SLC39A10: variants seen among roughly 807,000 people sequenced by gnomAD.
SLC39A10 encodes the protein zinc transporter ZIP10.
In SLC39A10, 13 loss-of-function variants were observed where a neutral mutation model predicts 65.1. The observed-to-expected ratio is 0.20, with a 90% confidence interval of 0.13 to 0.32. The LOEUF is 0.32. Among genes scored for constraint, SLC39A10 ranks in the 10% least tolerant of loss-of-function variants. SLC39A10 has a pLI of 1.00. For missense variants in SLC39A10, 831 were observed against 1,018.4 expected, an observed-to-expected ratio of 0.82 and a Z score of 2.50; for synonymous variants, 321 against 342.2, an observed-to-expected ratio of 0.94 and a Z score of 0.68.
intron 3 of SLC39A10, among the ~76,000 whole-genome samples, chr2:195,687,795 A>G (rs139217405): frequency 1.6e-3 from 242 of 152,336 alleles, no homozygotes; most frequent in African/African-American, 5.7e-3. Flanking sequence ...TATACTGTGT[A>G]TGGTAGAAAT....
intron 1 of SLC39A10, 161 bp downstream of exon 1, chr2:195,657,442 A>AGCT (rs1559018272): frequency 1.0e-6 from 1 of 985,866 alleles, no homozygotes; most frequent in African/African-American, 1.7e-5. Flanking sequence ...GGGTTCCCGC[A>AGCT]GCTGCTGCAG....
intron 2 of SLC39A10, among the ~76,000 whole-genome samples, chr2:195,617,692 G>T (rs1688246604): frequency 1.0e-5 from 1 of 96,518 alleles, no homozygotes; most frequent in Admixed American, 9.1e-5. Flanking sequence ...GCAACATAGT[G>T]AGACCTTGTT....
At position 195,680,158 on chromosome 2, in the gene SLC39A10, A is replaced by C. The variant is rs1357372682; in HGVS notation, c.116A>C (p.Gln39Pro). ...CATGGCCCTGAAGCGCTTCACAGAC[A>C]GCATCGTGGAATGACAGAATTGGAG... ...HDHGPEALHR[Q>P]HRGMTELEPS... is the part of the protein sequence containing the mutation. The change falls in exon 2 of 10, where the codon CAG becomes CCG. Residue 39 changes from glutamine (Q) to proline (P), a missense_variant. Transcript: ENST00000359634. The C allele has an allele frequency of 6.2e-7, 1 of 1,614,158 alleles. No individual in the cohort carries two copies. The highest frequency in any genetic ancestry group is 8.5e-7 in the Non-Finnish European group (1 of 1,180,032).
intron 3 of SLC39A10, among the ~76,000 whole-genome samples, chr2:195,705,221 G>A (rs1691356726): frequency 6.6e-6 from 1 of 152,158 alleles, no homozygotes; most frequent in African/African-American, 2.4e-5. Flanking sequence ...AAGGATTGAA[G>A]CCATTGAATC....
chr2:195,659,921 G>T (rs1190641741), intron 1 of SLC39A10, among the ~76,000 whole-genome samples: 1 of 152,032 alleles, frequency 6.6e-6, no homozygotes, highest in Non-Finnish European at 1.5e-5. Context: ...CTTTGGGGGG[G>T]ATACATTATC....
At chr2:195,717,034 C>G (rs768578149) in intron 7 of SLC39A10, 29 bp downstream of exon 7, 1 of 1,598,842 alleles carries the variant, frequency 6.3e-7, no homozygotes, top group Non-Finnish European at 8.5e-7. Flanking sequence ...ACTGTCTATG[C>G]TAATCTTATG....
In SLC39A10 at chr2:195,708,841, A is replaced by T. The variant is rs774463737; in HGVS notation, c.1572A>T (p.Gln524His). 1 of 1,586,860 alleles carries T rather than the reference A, an allele frequency of 6.3e-7. No homozygotes were observed. The highest frequency in any genetic ancestry group is 8.5e-7 in the Non-Finnish European group (1 of 1,169,966). Residue 524 changes from glutamine (Q) to histidine (H), a missense_variant, in exon 5 of 10, where the codon CAA (glutamine) becomes CAT (histidine). By Grantham distance (24) the Gln-to-His change is conservative (BLOSUM62 0). Around this residue, in one of 4 missense-constraint regions of SLC39A10, gnomAD observed 230 missense variants for 242.9 expected, o/e 0.95. Transcript: ENST00000359634. Reference sequence around the variant, plus strand: ...GAATGTTTAAGCACTACAAACAACAAAGAGTAAGTATTTTTTATTTATTTA... The same window carrying T: ...GAATGTTTAAGCACTACAAACAACATAGAGTAAGTATTTTTTATTTATTTA... ...CIRMFKHYKQ[Q>H]RGKQKWFMKQ...
chr2:195,646,221 C>T (rs369956049), intron 2 of SLC39A10, among the ~76,000 whole-genome samples: 2 of 152,218 alleles, frequency 1.3e-5, no homozygotes, highest in East Asian at 3.8e-4. Context: ...GTTGGGATTA[C>T]AGATGTGAGC....
intron 2 of SLC39A10, among the ~76,000 whole-genome samples, chr2:195,644,889 A>ATTT (rs1688880889): frequency 1.2e-5 from 1 of 84,690 alleles, no homozygotes; most frequent in African/African-American, 4.4e-5. Context: ...CAATCTAACT[A>ATTT]CTTTATTTAT....
chr2:195,710,651 G>C (rs959073067), intron 5 of SLC39A10, among the ~76,000 whole-genome samples: 3 of 152,006 alleles, frequency 2.0e-5, no homozygotes, highest in African/African-American at 7.2e-5. Flanking sequence ...CTGTATTTTC[G>C]TATCTTATTT....
At position 195,661,835 on chromosome 2, in the gene SLC39A10, GTTTA is replaced by G. The variant is rs371136071; in HGVS notation, c.-12+4558_-12+4561del. 1.1e-3 allele frequency among the ~76,000 whole-genome samples: 168 copies of G among 152,124 alleles called. 2 individuals are homozygous for G. Among genetic ancestry groups the G allele is most frequent in the East Asian group, 4.4e-3 (23 of 5,188 alleles). On this transcript the variant is annotated intron_variant, in intron 1 of 9. Coordinates refer to ENST00000359634, the MANE Select transcript of SLC39A10 (RefSeq NM_020342.3). Reference sequence around the variant, plus strand: ...AAATCTAAAATCTTGCTCAGGTAGTGTTTATTTTCACAATCTAAAAGTAAATATT... The same window carrying G: ...AAATCTAAAATCTTGCTCAGGTAGTGTTTTCACAATCTAAAAGTAAATATT...
At chr2:195,641,167 C>T (rs569822074) in intron 2 of SLC39A10, among the ~76,000 whole-genome samples, 24 of 152,232 alleles carry the variant, frequency 1.6e-4, no homozygotes, top group Non-Finnish European at 2.8e-4. Context: ...GTGGAAGATA[C>T]ATGTGTAAGT....
At chr2:195,630,144 G>GTTT (rs1350242402) in intron 2 of SLC39A10, among the ~76,000 whole-genome samples, 16 of 123,032 alleles carry the variant, frequency 1.3e-4, no homozygotes, top group African/African-American at 3.8e-4. Context: ...TATGGTTTGG[G>GTTT]TTTTTTTTTT....
intron 1 of SLC39A10, among the ~76,000 whole-genome samples, chr2:195,666,542 T>G (rs958849056): frequency 2.0e-5 from 3 of 152,218 alleles, no homozygotes; most frequent in Admixed American, 1.3e-4. Flanking sequence ...CACTGCAGCC[T>G]TGACCTCCCG....
In SLC39A10 at chr2:195,680,923, A is replaced by G. The variant is rs1245092756; in HGVS notation, c.881A>G (p.His294Arg). The change falls in exon 2 of 10, where the codon CAC becomes CGC. Residue 294 changes from histidine to arginine, a missense_variant. Physicochemically the swap from His to Arg is conservative, Grantham distance 29. Transcript: ENST00000359634. ...ERNGHDPGRG[H>R]QDLDPDNEGE... ...AATGGTCATGATCCTGGTCGTGGAC[A>G]CCAAGATCTTGATCCTGATAATGAA... The G allele has an allele frequency of 2.5e-6, 4 of 1,614,180 alleles. No homozygotes were observed. The highest frequency in any genetic ancestry group is 2.2e-5 in the East Asian group (1 of 44,876).
intron 6 of SLC39A10, among the ~76,000 whole-genome samples, chr2:195,715,458 G>A (rs1349871030): frequency 2.0e-5 from 3 of 151,416 alleles, no homozygotes; most frequent in Non-Finnish European, 4.4e-5. Context: ...CTTGGGAGGT[G>A]GGGGTTGCAG....
intron 6 of SLC39A10, among the ~76,000 whole-genome samples, chr2:195,715,727 T>C (rs1450148038): frequency 2.0e-5 from 3 of 152,152 alleles, no homozygotes; most frequent in African/African-American, 7.2e-5. Flanking sequence ...CAATAAACTT[T>C]CCACAGCAAG....
intron 3 of SLC39A10, among the ~76,000 whole-genome samples, chr2:195,702,249 G>C (rs950518173): frequency 6.6e-6 from 1 of 152,134 alleles, no homozygotes; most frequent in Non-Finnish European, 1.5e-5. Context: ...CAGAATCAGT[G>C]ATCAGAGTAC....
At chr2:195,701,435 C>CTTTTTTTTTTTTTTTTTTTTTTTT (rs66525117) in intron 3 of SLC39A10, among the ~76,000 whole-genome samples, 1 of 5,500 alleles carries the variant, frequency 1.8e-4, no homozygotes. Context: ...TTCTGTGATT[C>CTTTTTTTTTTTTTTTTTTTTTTTT]TTTTTTTTTT....
Sources: allele counts gnomAD v4.1 joint callset (sites outside exome capture counted in the v4.1 genomes callset), GRCh38; gene constraint gnomAD v4.1.1; regional missense constraint gnomAD v4.1.1; transcripts MANE v1.5; gene names NCBI Gene and HGNC (gene_info 2026-07-23, HGNC 2026-07-21).